Variants in RFTN2 observed in about 807,000 individuals in gnomAD.
RFTN2 encodes the protein raftlin family member 2.
RFTN2 carries 34 observed loss-of-function variants against 52.7 expected under a neutral mutation model. That is an observed-to-expected ratio of 0.64 (90% confidence interval 0.49 to 0.86). The LOEUF is 0.86. RFTN2 is among the 40% of genes least tolerant of loss of function. RFTN2 has a pLI of 0.00. For synonymous variants in RFTN2, 203 were observed against 217.7 expected (o/e 0.93, Z 0.59); for missense variants, 536 against 600.1 (o/e 0.89, Z 1.12).
In RFTN2 at chr2:197,572,243, T is replaced by C. The variant is rs897350067; in HGVS notation, c.1271A>G (p.Asn424Ser). Residue 424 changes from asparagine (N) to serine (S), a missense_variant, in exon 9 of 9, where the codon AAT (asparagine) becomes AGT (serine). By Grantham distance (46) the Asn-to-Ser change is conservative. Transcript: ENST00000295049. ...TCCGATGCTTCTACTAGTGGCTTTATTCTTGTCTTCACCTTTTATGTGGCG... is the reference window on the plus strand; with the variant it reads ...TCCGATGCTTCTACTAGTGGCTTTACTCTTGTCTTCACCTTTTATGTGGCG... ...ASRHIKGEDK[N>S]KATSRSIGLD... is the part of the protein sequence containing the mutation. 8 of 1,614,136 alleles carry C rather than the reference T, an allele frequency of 5.0e-6. No individual in the cohort carries two copies. The highest frequency in any genetic ancestry group is 2.2e-5 in the East Asian group (1 of 44,904).
At position 197,569,170 on chromosome 2, in the gene RFTN2, T is replaced by C. The variant is rs2087277742; in HGVS notation, c.*2838A>G. On this transcript the variant is annotated 3_prime_UTR_variant, in exon 9 of 9. Transcript: ENST00000295049. ...ATTGAAAACGAAGATGAAAATGCCA[T>C]AGATACTACACCAAGGGGAATGGCA... 6.6e-6 allele frequency: 1 copy of C among 152,198 alleles called. No homozygotes were observed. The highest frequency in any genetic ancestry group is 6.5e-5 in the Admixed American group (1 of 15,272). The allele number at this position is 152,198 out of a possible 1,614,324, so 9.4% of individuals were successfully genotyped here.
rs200620478 is a variant in RFTN2 at position 197,617,765 on chromosome 2, A to T, written c.1050+35T>A. 1.9e-4 allele frequency: 195 copies of T among 1,005,470 alleles called. No individual in the cohort carries two copies. The African/African-American group carries it at 3.1e-3, about 16-fold the overall frequency. The allele number at this position is 1,005,470 out of a possible 1,614,324, so 62.3% of individuals were successfully genotyped here. A position where few individuals can be genotyped will look rare whatever the true frequency, so the allele number is the denominator to read the frequency against. On this transcript the variant is annotated intron_variant, in intron 6 of 8. Coordinates refer to ENST00000295049, the MANE Select transcript of RFTN2 (RefSeq NM_144629.3). ...TATATATTATATATTATATTTATAT[A>T]TGTAAAGCTAAATTGTCAGAAAACT...
At chr2:197,605,887 C>T (rs1420342326) in intron 7 of RFTN2, among the ~76,000 whole-genome samples, 3 of 152,138 alleles carry the variant, frequency 2.0e-5, no homozygotes, top group South Asian at 4.1e-4. Flanking sequence ...TCTTTCATCA[C>T]GGTGCCCCCT....
intron 3 of RFTN2, among the ~76,000 whole-genome samples, chr2:197,634,853 A>G (rs897614878): frequency 3.3e-5 from 5 of 151,784 alleles, no homozygotes; most frequent in African/African-American, 1.2e-4. Context: ...GTCATCTAGC[A>G]TTAGGTATAT....
At chr2:197,623,597 G>A (rs750616501) in intron 5 of RFTN2, among the ~76,000 whole-genome samples, 8 of 152,124 alleles carry the variant, frequency 5.3e-5, no homozygotes, top group Non-Finnish European at 1.0e-4. Context: ...TTGTGCTTCA[G>A]CCTCTTGAGT....
intron 1 of RFTN2, among the ~76,000 whole-genome samples, chr2:197,670,087 T>C (rs2089122993): frequency 6.6e-6 from 1 of 152,184 alleles, no homozygotes; most frequent in Non-Finnish European, 1.5e-5. Context: ...TTCCTCTGTT[T>C]CCACTGCAGT....
At chr2:197,667,159 T>G (rs1489288114) in intron 1 of RFTN2, among the ~76,000 whole-genome samples, 1 of 152,086 alleles carries the variant, frequency 6.6e-6, no homozygotes, top group Non-Finnish European at 1.5e-5. Context: ...TTTATTCTAT[T>G]TTTTCCAGCA....
chr2:197,666,465 A>T (rs2089063769), intron 1 of RFTN2, among the ~76,000 whole-genome samples: 1 of 152,028 alleles, frequency 6.6e-6, no homozygotes, highest in Non-Finnish European at 1.5e-5. Context: ...ATGTCATTCC[A>T]TTCTCTCCTG....
chr2:197,660,814 C>T (rs1338077058), intron 1 of RFTN2, among the ~76,000 whole-genome samples: 2 of 152,102 alleles, frequency 1.3e-5, no homozygotes, highest in African/African-American at 2.4e-5. Flanking sequence ...CTGCCTTGGC[C>T]TCCCAAAATG....
In RFTN2 at chr2:197,617,364, C is replaced by T. The variant is rs79910818; in HGVS notation, c.1050+436G>A. Among the ~76,000 whole-genome samples the T allele has an allele frequency of 9.9e-5, 15 of 152,172 alleles. No homozygotes were observed. In the East Asian group the frequency reaches 2.5e-3, roughly 25 times the overall value. ...AAAGCAAATTACCTTTTCACAAATC[C>T]GAAAGAAGTTTGTTCATGCATTTGT... is the stretch of plus-strand genomic sequence containing the variant. On this transcript the variant is annotated intron_variant, in intron 6 of 8. Coordinates refer to ENST00000295049, the MANE Select transcript of RFTN2 (RefSeq NM_144629.3).
Position 197,626,570 on chromosome 2 carries a change from T to TAAATAAAA in RFTN2, c.928+4440_928+4441insTTTTATTT, listed in dbSNP as rs1295818820. 7.2e-4 allele frequency among the ~76,000 whole-genome samples: 98 copies of TAAATAAAA among 136,230 alleles called. No homozygotes were observed. The South Asian group carries it at 0.021, about 30-fold the overall frequency. The allele number at this position is 136,230 out of a possible 152,430, so 89.4% of individuals were successfully genotyped here. A position where few individuals can be genotyped will look rare whatever the true frequency, so the allele number is the denominator to read the frequency against. On this transcript the variant is annotated intron_variant, in intron 5 of 8. Transcript: ENST00000295049. The stretch of plus-strand genomic sequence containing the variant: ...CAGTGAGACCCCATCTACAAATAAA[T>TAAATAAAA]AAATAAATAAATAAATAAAGTTAAA...
chr2:197,591,306 C>A (rs1351136531), intron 8 of RFTN2, among the ~76,000 whole-genome samples: 1 of 152,076 alleles, frequency 6.6e-6, no homozygotes, highest in South Asian at 2.1e-4. Context: ...AAGTCCCCAC[C>A]AGATTAGCTA....
chr2:197,636,854 T>C (rs1318573603), intron 3 of RFTN2, among the ~76,000 whole-genome samples: 129 of 149,656 alleles, frequency 8.6e-4, no homozygotes, highest in African/African-American at 2.6e-3. Flanking sequence ...TTTGCCCATT[T>C]AGTATGATAT....
chr2:197,618,658 C>A lies in RFTN2; in HGVS notation c.929-737G>T, dbSNP rs1157595840. ...GAAGTGAGGAGCGCCTCTTCCCGGC[C>A]GCCATCACATCTGGGAAGTGAGGAG... On this transcript the variant is annotated intron_variant, in intron 5 of 8. Coordinates refer to ENST00000295049, the MANE Select transcript of RFTN2 (RefSeq NM_144629.3). Among the ~76,000 whole-genome samples the A allele has an allele frequency of 4.6e-5, 7 of 151,700 alleles. No individual in the cohort carries two copies. The East Asian group carries it at 1.2e-3, about 25-fold the overall frequency.
At chr2:197,636,245 C>T (rs2088564344) in intron 3 of RFTN2, among the ~76,000 whole-genome samples, 1 of 147,870 alleles carries the variant, frequency 6.8e-6, no homozygotes, top group African/African-American at 2.5e-5. Flanking sequence ...TCCATATGAA[C>T]TTTAAAGTAG....
rs1158680579 is a variant in RFTN2, at chr2:197,639,099, C to T, written c.438+5059G>A. 8.0e-3 allele frequency among the ~76,000 whole-genome samples: 1,139 copies of T among 141,718 alleles called. 15 individuals carry two copies. The highest frequency in any genetic ancestry group is 0.029 in the African/African-American group (1,079 of 37,614). The allele number at this position is 141,718 out of a possible 152,430, so 93.0% of individuals were successfully genotyped here. A position where few individuals can be genotyped will look rare whatever the true frequency, so the allele number is the denominator to read the frequency against. ...CTCTTCTGGCTTGTAGGGTTTCTGC[C>T]GAGAGATCCGCTGTTAGTCTGATGG... is the stretch of plus-strand genomic sequence containing the variant. On this transcript the variant is annotated intron_variant, in intron 3 of 8. Transcript: ENST00000295049.
At chr2:197,572,772 T>G (rs947614243) in intron 8 of RFTN2, among the ~76,000 whole-genome samples, 1 of 152,104 alleles carries the variant, frequency 6.6e-6, no homozygotes, top group Non-Finnish European at 1.5e-5. Context: ...AAATCTCATC[T>G]TGAATTGTAA....
chr2:197,629,699 C>T lies in RFTN2; in HGVS notation c.928+1312G>A, dbSNP rs1226524024. On this transcript the variant is annotated intron_variant, in intron 5 of 8. Coordinates refer to ENST00000295049, the MANE Select transcript of RFTN2 (RefSeq NM_144629.3). The stretch of plus-strand genomic sequence containing the variant: ...ATACACACACACACACACACACACA[C>T]ATATTTATTTTATTTTATTTTATTT... 9.9e-3 allele frequency among the ~76,000 whole-genome samples: 1,129 copies of T among 113,554 alleles called. 6 individuals are homozygous for T. The highest frequency in any genetic ancestry group is 0.014 in the Non-Finnish European group (704 of 49,682). 74.5% of individuals were successfully genotyped at this position (113,554 alleles called of 152,430 possible).
intron 8 of RFTN2, among the ~76,000 whole-genome samples, chr2:197,583,377 C>A (rs997971947): frequency 6.6e-6 from 1 of 152,222 alleles, no homozygotes; most frequent in African/African-American, 2.4e-5. Flanking sequence ...AAGGCCACTG[C>A]AGTCATTTCT....
Sources: allele counts gnomAD v4.1 joint callset (sites outside exome capture counted in the v4.1 genomes callset), GRCh38; gene constraint gnomAD v4.1.1; transcripts MANE v1.5; gene names NCBI Gene and HGNC (gene_info 2026-07-23, HGNC 2026-07-21).